Variants in CLEC12A observed in about 807,000 individuals in gnomAD.
CLEC12A encodes C-type lectin protein CLL-1.
A neutral mutation model predicts 26.5 loss-of-function variants in CLEC12A; 22 were observed. The observed-to-expected ratio is 0.83, with a 90% CI of 0.59 to 1.19. CLEC12A has a LOEUF of 1.19. Among genes scored for constraint, CLEC12A ranks in the 50% most tolerant of loss-of-function variants. The pLI, the probability that CLEC12A is intolerant of heterozygous loss-of-function variation, is 0.00. For synonymous variants in CLEC12A, 119 were observed against 101.9 expected, an observed-to-expected ratio of 1.17 and a Z score of -1.01; for missense variants, 353 against 315.6, an observed-to-expected ratio of 1.12 and a Z score of -0.90.
chr12:10,006,018 C>T, the CLEC12A span, among the ~76,000 whole-genome samples: 5 of 152,176 alleles, frequency 3.3e-5, no homozygotes, highest in Admixed American at 2.0e-4. Flanking sequence ...GTCATGTTAA[C>T]TCAATATTTC....
chr12:9,979,111 A>G, intron 2 of CLEC12A, 47 bp downstream of exon 2: 1 of 1,468,132 alleles, frequency 6.8e-7, no homozygotes, highest in Non-Finnish European at 9.5e-7. Context: ...CTAGAATTTC[A>G]AATATTTAGC....
chr12:9,998,981 T>G, downstream of CLEC12A: 2 of 1,008,882 alleles, frequency 2.0e-6, no homozygotes, highest in Non-Finnish European at 1.5e-6. Context: ...AAGAAAGAAT[T>G]GAATCAACTC....
chr12:9,952,282 C>T (rs1287901262), intron 1 of CLEC12A, among the ~76,000 whole-genome samples: 1 of 150,392 alleles, frequency 6.6e-6, no homozygotes, highest in African/African-American at 2.4e-5. Context: ...CTGCAACCTC[C>T]CTGCCTGATT....
chr12:9,986,344 GAAA>G (rs3053775), downstream of CLEC12A, among the ~76,000 whole-genome samples: 30 of 119,042 alleles, frequency 2.5e-4, no homozygotes, highest in African/African-American at 6.0e-4. Flanking sequence ...AGTCTCCACT[GAAA>G]AAAAAAAAAA....
At chr12:10,000,010 C>A (rs1387028743), downstream of CLEC12A, among the ~76,000 whole-genome samples, 1 of 152,194 alleles carries the variant, frequency 6.6e-6, no homozygotes, top group Non-Finnish European at 1.5e-5. Context: ...GTTGTAAGAA[C>A]AGCCATACAA....
At chr12:9,985,672 A>G (rs1324647761), downstream of CLEC12A, 2 of 389,400 alleles carry the variant, frequency 5.1e-6, no homozygotes, top group Admixed American at 4.4e-5. Context: ...ACATACAGCA[A>G]TTAGCTATGC....
In CLEC12A at chr12:9,957,874, C is replaced by T. The variant is rs557834764; in HGVS notation, c.10+6518C>T. Among the ~76,000 whole-genome samples, 75 of 152,282 alleles carry T rather than the reference C, an allele frequency of 4.9e-4. 1 individual carries two copies. The highest frequency in any genetic ancestry group is 3.5e-3 in the South Asian group (17 of 4,822). On this transcript the variant is annotated intron_variant, in intron 1 of 6. Transcript: ENST00000355690. ...TCTCTTTGGCTTAGTGATTTGGGGA[C>T]CCCAAGATTTATTTTCCTTTCACAT... is the stretch of plus-strand genomic sequence containing the variant.
intron 1 of CLEC12A, among the ~76,000 whole-genome samples, chr12:9,964,019 G>C (rs1863884129): frequency 6.6e-6 from 1 of 152,222 alleles, no homozygotes; most frequent in Non-Finnish European, 1.5e-5. Context: ...ACATCAAAGT[G>C]AAAGGTTACC....
chr12:9,976,037 A>C (rs1276743345), intron 1 of CLEC12A, among the ~76,000 whole-genome samples: 1 of 152,214 alleles, frequency 6.6e-6, no homozygotes, highest in Non-Finnish European at 1.5e-5. Flanking sequence ...TCTAGATTTC[A>C]GAGGATGTAT....
At position 9,971,456 on chromosome 12, in the gene CLEC12A, A is replaced by T. The variant is rs1442870185; in HGVS notation, c.-141A>T. ...TGATTGGTACAGTAGGTTTATAAAC[A>T]GAAGTTTAAACTTGTAAGCTTAAGC... On this transcript the variant is annotated 5_prime_UTR_variant, in exon 1 of 6. It introduces an in-frame stop codon into an upstream open reading frame of the 5' UTR. Coordinates refer to ENST00000304361, the MANE Select transcript of CLEC12A (RefSeq NM_138337.6). 1 of 1,381,128 alleles carries T rather than the reference A, an allele frequency of 7.2e-7. No homozygotes were observed. The highest frequency in any genetic ancestry group is 1.5e-5 in the African/African-American group (1 of 68,180). The allele number at this position is 1,381,128 out of a possible 1,614,324, so 85.6% of individuals were successfully genotyped here.
intron 1 of CLEC12A, among the ~76,000 whole-genome samples, chr12:9,964,032 G>T (rs3110948): frequency 0.85 from 128,874 of 152,036 alleles, 54,975 homozygotes; most frequent in Middle Eastern, 0.91. Flanking sequence ...AGGTTACCCA[G>T]GGGAATTCCA....
intron 1 of CLEC12A, among the ~76,000 whole-genome samples, chr12:9,961,091 C>T (rs1863820174): frequency 6.6e-6 from 1 of 152,150 alleles, no homozygotes; most frequent in Non-Finnish European, 1.5e-5. Flanking sequence ...TAAACATTTA[C>T]TGATTGGCAA....
At chr12:9,967,370 A>G (rs1316291133), upstream of CLEC12A, among the ~76,000 whole-genome samples, 1 of 152,168 alleles carries the variant, frequency 6.6e-6, no homozygotes, top group Non-Finnish European at 1.5e-5. Context: ...ATCTTGTAGG[A>G]TGGAAAAATG....
upstream of CLEC12A, among the ~76,000 whole-genome samples, chr12:9,966,806 T>C (rs1165094054): frequency 7.9e-6 from 1 of 127,336 alleles, no homozygotes; most frequent in African/African-American, 3.0e-5. Context: ...AAAATGTATA[T>C]TGAGAATAAG....
intron 1 of CLEC12A, among the ~76,000 whole-genome samples, chr12:9,963,975 C>T (rs1163382089): frequency 6.6e-6 from 1 of 152,026 alleles, no homozygotes; most frequent in Non-Finnish European, 1.5e-5. Context: ...TATAAGTAAA[C>T]AACAAGAGGG....
downstream of CLEC12A, among the ~76,000 whole-genome samples, chr12:9,990,124 G>A (rs1380839984): frequency 6.6e-6 from 1 of 152,014 alleles, no homozygotes; most frequent in African/African-American, 2.4e-5. Context: ...TGTACCGGGA[G>A]GTTAATGTTT....
chr12:9,951,328 T>C, exon 1 of CLEC12A: 2 of 702,984 alleles, frequency 2.8e-6, no homozygotes, highest in Non-Finnish European at 5.2e-6. Context: ...AAGAACAGCC[T>C]TTCAAATTTG....
In CLEC12A at chr12:9,994,992, G is replaced by A. The variant is rs556101520; in HGVS notation, n.1005-26G>A. Reference sequence around the variant, plus strand: ...GAGAGAGGGGAAAGAATTGTCTTATGACCAGCGCTGTCTTGTTTGAATTAG... The same window carrying A: ...GAGAGAGGGGAAAGAATTGTCTTATAACCAGCGCTGTCTTGTTTGAATTAG... On this transcript the variant is annotated intron_variant and non_coding_transcript_variant, in intron 4 of 4. Coordinates refer to the CLEC12A transcript ENST00000449959. The A allele has an allele frequency of 6.5e-5, 101 of 1,542,652 alleles. No homozygotes were observed. In the South Asian group the frequency reaches 1.1e-3, roughly 16 times the overall value.
intron 1 of CLEC12A, among the ~76,000 whole-genome samples, chr12:9,953,682 C>T (rs1216792235): frequency 7.9e-5 from 12 of 151,556 alleles, no homozygotes; most frequent in African/African-American, 2.4e-4. Flanking sequence ...AGCCCCTCTG[C>T]CCGGCCACCA....
Sources: allele counts gnomAD v4.1 joint callset (sites outside exome capture counted in the v4.1 genomes callset), GRCh38; gene constraint gnomAD v4.1.1; transcripts MANE v1.5; gene names NCBI Gene and HGNC (gene_info 2026-07-23, HGNC 2026-07-21).